Variants in HCN3 observed in about 807,000 individuals in gnomAD.
HCN3 encodes the protein potassium/sodium hyperpolarization-activated cyclic nucleotide-gated channel 3.
Under a neutral mutation model 56.8 loss-of-function variants are expected in HCN3, and 36 were observed. The observed-to-expected ratio is 0.63, with a 90% CI of 0.49 to 0.84. The LOEUF (loss-of-function observed/expected upper bound fraction) is 0.84, where lower values mean the gene tolerates loss of function less well. HCN3 is among the 40% of genes least tolerant of loss of function. The pLI, the probability that HCN3 is intolerant of heterozygous loss-of-function variation, is 0.00. For synonymous variants in HCN3, 425 were observed against 439.7 expected (o/e 0.97, Z 0.42); for missense variants, 930 against 1,079.3 (o/e 0.86, Z 1.94).
intron 1 of HCN3, among the ~76,000 whole-genome samples, chr1:155,278,992 C>T (rs1673917456): frequency 6.6e-6 from 1 of 152,148 alleles, no homozygotes. Context: ...GCTAGGCGAA[C>T]CCTCTTTCCC....
rs756003377 is a variant in HCN3, at chr1:155,282,579, C to A, written c.447C>A (p.Ile149=). The A allele has an allele frequency of 6.2e-7, 1 of 1,614,254 alleles. No homozygotes were observed. The highest frequency in any genetic ancestry group is 1.1e-5 in the South Asian group (1 of 91,086). ...LDLVLNFRTG[I]VVEEGAEILL... is the part of the protein sequence containing the mutation. ...TGGTGCTCAACTTCCGAACGGGCAT[C>A]GTGGTGGAGGAGGGTGCTGAGATCC... The change falls in exon 2 of 8, where the codon ATC becomes ATA. Residue 149 remains isoleucine (I), a synonymous_variant. Transcript: ENST00000368358. The surrounding 1 kb of genome is among the most constrained non-coding windows in gnomAD (Gnocchi z 4.7).
At position 155,285,946 on chromosome 1, in the gene HCN3, G is replaced by A. The variant is rs754322366; in HGVS notation, c.1459G>A (p.Asp487Asn). 6.9e-6 allele frequency: 11 copies of A among 1,591,308 alleles called. No homozygotes were observed. In the African/African-American group the frequency reaches 1.1e-4, roughly 16 times the overall value. The change falls in exon 6 of 8, where the codon GAT (aspartate) becomes AAT (asparagine). Residue 487 changes from aspartate (D) to asparagine (N), a missense_variant. Coordinates refer to ENST00000368358, the MANE Select transcript of HCN3 (RefSeq NM_020897.3). This position sits in a 1 kb window ranked among gnomAD's most constrained non-coding sequence, Gnocchi z 4.5. ...ARGARDTRLTDGSYFGEICLL... is the reference protein window; with the variant it reads ...ARGARDTRLTNGSYFGEICLL... ...CGGCGCCCGGGACACACGCCTCACC[G>A]ATGGATCCTACTTTGGGGGTCAGCA...
chr1:155,282,852 A>G lies in HCN3; in HGVS notation c.708+12A>G. On this transcript the variant is annotated intron_variant, in intron 2 of 7. Coordinates refer to ENST00000368358, the MANE Select transcript of HCN3 (RefSeq NM_020897.3). This position sits in a 1 kb window ranked among gnomAD's most constrained non-coding sequence, Gnocchi z 4.7. ...ACCAGTGGGAGGAGGTGGGGTGGGG[A>G]GATGGCGGGCGGGGCAGTGGGTGGG... The G allele has an allele frequency of 1.1e-6, 1 of 903,386 alleles. No individual in the cohort carries two copies. The highest frequency in any genetic ancestry group is 1.5e-6 in the Non-Finnish European group (1 of 674,668). 56.0% of individuals were successfully genotyped at this position (903,386 alleles called of 1,614,324 possible).
At position 155,282,664 on chromosome 1, in the gene HCN3, ATCTCT is replaced by A. The variant is rs1334940612; in HGVS notation, c.536_540del (p.Ser179TyrfsTer19). ...GCGCACCTGGTTCCTGGTTGACCTC[ATCTCT>A]TCTATCCCTGTGGATTACATCTTCC... On this transcript the variant is annotated frameshift_variant, in exon 2 of 8. Coordinates refer to ENST00000368358, the MANE Select transcript of HCN3 (RefSeq NM_020897.3). LOFTEE classifies it high-confidence loss of function. This position sits in a 1 kb window ranked among gnomAD's most constrained non-coding sequence, Gnocchi z 4.7. The A allele has an allele frequency of 1.2e-6, 2 of 1,614,194 alleles. No homozygotes were observed. The highest frequency in any genetic ancestry group is 1.7e-6 in the Non-Finnish European group (2 of 1,180,048).
Position 155,285,831 on chromosome 1 carries a change from C to A in HCN3, c.1344C>A (p.Val448=). The A allele has an allele frequency of 6.2e-7, 1 of 1,614,206 alleles. No homozygotes were observed. The highest frequency in any genetic ancestry group is 1.1e-5 in the South Asian group (1 of 91,088). The change falls in exon 6 of 8, where the codon GTC becomes GTA. Residue 448 remains valine (V), a synonymous_variant. Transcript: ENST00000368358. This position sits in a 1 kb window ranked among gnomAD's most constrained non-coding sequence, Gnocchi z 4.5. ...TAVLTKLRFE[V]FQPGDLVVRE... Reference sequence around the variant, plus strand: ...TTCTCACCAAGCTGCGCTTTGAGGTCTTCCAGCCGGGGGATCTCGTGGTGC... The same window carrying A: ...TTCTCACCAAGCTGCGCTTTGAGGTATTCCAGCCGGGGGATCTCGTGGTGC...
Position 155,288,489 on chromosome 1 carries a change from T to C in HCN3, c.*26T>C. 6.4e-7 allele frequency: 1 copy of C among 1,558,596 alleles called. No individual in the cohort carries two copies. The highest frequency in any genetic ancestry group is 8.7e-7 in the Non-Finnish European group (1 of 1,154,200). ...AACCTTTGAGTACATCCAGCCTTAG[T>C]TCTTGGGGTGCAGTAGTATGTACCC... is the stretch of plus-strand genomic sequence containing the variant. On this transcript the variant is annotated 3_prime_UTR_variant, in exon 8 of 8. Coordinates refer to ENST00000368358, the MANE Select transcript of HCN3 (RefSeq NM_020897.3). This position sits in a 1 kb window ranked among gnomAD's most constrained non-coding sequence, Gnocchi z 6.5.
chr1:155,285,240 G>C lies in HCN3; in HGVS notation c.1165G>C (p.Glu389Gln). 6.2e-7 allele frequency: 1 copy of C among 1,614,228 alleles called. No homozygotes were observed. The highest frequency in any genetic ancestry group is 8.5e-7 in the Non-Finnish European group (1 of 1,180,034). ...GCGGCAGCGCATCCACGAGTACTATGAGCACCGCTACCAGGGCAAGATGTT... is the reference window on the plus strand; with the variant it reads ...GCGGCAGCGCATCCACGAGTACTATCAGCACCGCTACCAGGGCAAGATGTT... ...DTRQRIHEYY[E>Q]HRYQGKMFDE... The change falls in exon 5 of 8, where the codon GAG (glutamate) becomes CAG (glutamine). Residue 389 changes from glutamate to glutamine, a missense_variant. By Grantham distance (29) the Glu-to-Gln change is conservative. Coordinates refer to ENST00000368358, the MANE Select transcript of HCN3 (RefSeq NM_020897.3). The surrounding 1 kb of genome is among the most constrained non-coding windows in gnomAD (Gnocchi z 4.5).
chr1:155,288,046 C>A lies in HCN3; in HGVS notation c.1908C>A (p.Asp636Glu). The stretch of plus-strand genomic sequence containing the variant: ...GGGGCCCTCTGCCCCTCTCCCCTGA[C>A]TCTCCAGCCACCCTCCTTGCTCGCT... ...HQRGPLPLSP[D>E]SPATLLARSA... The change falls in exon 8 of 8, where the codon GAC becomes GAA. Residue 636 changes from aspartate to glutamate, a missense_variant. Coordinates refer to ENST00000368358, the MANE Select transcript of HCN3 (RefSeq NM_020897.3). The surrounding 1 kb of genome is among the most constrained non-coding windows in gnomAD (Gnocchi z 6.5). 6.2e-7 allele frequency: 1 copy of A among 1,613,872 alleles called. No homozygotes were observed. Among genetic ancestry groups the A allele is most frequent in the Non-Finnish European group, 8.5e-7 (1 of 1,179,964 alleles).
Position 155,282,537 on chromosome 1 carries a change from T to C in HCN3, c.405T>C (p.Thr135=). 1 of 1,614,250 alleles carries C rather than the reference T, an allele frequency of 6.2e-7. No homozygotes were observed. The highest frequency in any genetic ancestry group is 8.5e-7 in the Non-Finnish European group (1 of 1,180,044). The change falls in exon 2 of 8, where the codon ACT becomes ACC. Residue 135 remains threonine, a synonymous_variant. Coordinates refer to ENST00000368358, the MANE Select transcript of HCN3 (RefSeq NM_020897.3). The surrounding 1 kb of genome is among the most constrained non-coding windows in gnomAD (Gnocchi z 4.7). ...TCGTCTTCAACGTATTGTCTGATACTTTCTTCCTACTGGATCTGGTGCTCA... is the reference window on the plus strand; with the variant it reads ...TCGTCTTCAACGTATTGTCTGATACCTTCTTCCTACTGGATCTGGTGCTCA... ...PWIVFNVLSD[T]FFLLDLVLNF...
chr1:155,279,555 C>A (rs1318265300), intron 1 of HCN3, among the ~76,000 whole-genome samples: 1 of 152,174 alleles, frequency 6.6e-6, no homozygotes, highest in East Asian at 1.9e-4. Context: ...GACCACCCCA[C>A]CCTGAGACAT....
Position 155,285,089 on chromosome 1 carries a change from G to C in HCN3, c.1090-76G>C, listed in dbSNP as rs1358099716. On this transcript the variant is annotated intron_variant, in intron 4 of 7. Coordinates refer to ENST00000368358, the MANE Select transcript of HCN3 (RefSeq NM_020897.3). This position sits in a 1 kb window ranked among gnomAD's most constrained non-coding sequence, Gnocchi z 4.5. ...GTTTGACCTGTGTCTCTGACCTTCC[G>C]CACACACACCCCACTGTGCCGGCCC... 6.5e-7 allele frequency: 1 copy of C among 1,541,268 alleles called. No homozygotes were observed. Among genetic ancestry groups the C allele is most frequent in the African/African-American group, 1.4e-5 (1 of 73,090 alleles).
At position 155,287,973 on chromosome 1, in the gene HCN3, A is replaced by G. The variant is rs1402997235; in HGVS notation, c.1835A>G (p.Gln612Arg). Residue 612 changes from glutamine (Q) to arginine (R), a missense_variant, in exon 8 of 8, where the codon CAG (glutamine) becomes CGG (arginine). Transcript: ENST00000368358. ...GAGCCACTGGTACATGCGCCCCTTC[A>G]GGCAGCTGCTGTGACCTCCAATGTG... is the stretch of plus-strand genomic sequence containing the variant. Reference protein sequence around the residue: ...LWEPLVHAPLQAAAVTSNVAI... With the variant: ...LWEPLVHAPLRAAAVTSNVAI... 1 of 1,614,068 alleles carries G rather than the reference A, an allele frequency of 6.2e-7. No homozygotes were observed. The highest frequency in any genetic ancestry group is 8.5e-7 in the Non-Finnish European group (1 of 1,179,990).
rs2148179235 is a variant in HCN3 at position 155,284,403 on chromosome 1, C to A, written c.871-136C>A. 2 of 1,070,626 alleles carry A rather than the reference C, an allele frequency of 1.9e-6. No homozygotes were observed. The highest frequency in any genetic ancestry group is 2.6e-6 in the Non-Finnish European group (2 of 762,660). The allele number at this position is 1,070,626 out of a possible 1,614,324, so 66.3% of individuals were successfully genotyped here. ...CTTTTGCCTCAGGGCCCCCCAGAAC[C>A]AAACTTAAGTGCCTGCCAGGAGGAA... On this transcript the variant is annotated intron_variant, in intron 3 of 7. Transcript: ENST00000368358. This position sits in a 1 kb window ranked among gnomAD's most constrained non-coding sequence, Gnocchi z 4.3.
intron 6 of HCN3, among the ~76,000 whole-genome samples, chr1:155,286,919 A>G (rs1485227906): frequency 6.6e-6 from 1 of 152,062 alleles, no homozygotes; most frequent in African/African-American, 2.4e-5. Context: ...GGCCAGCAAG[A>G]CCTGCCTGGT....
At chr1:155,287,521 A>G (rs911039350) in intron 7 of HCN3, among the ~76,000 whole-genome samples, 184 bp downstream of exon 7, 1 of 151,970 alleles carries the variant, frequency 6.6e-6, no homozygotes, top group Non-Finnish European at 1.5e-5. Flanking sequence ...TGTCCTTCCC[A>G]GGAGAGATAG....
In HCN3 at chr1:155,285,445, T is replaced by C; in HGVS notation, c.1236+134T>C. ...AGGGCCCCGTGGGAGGCCAGGTATT[T>C]GGGCTTTCAGGGGCTAGGGTCTTTC... On this transcript the variant is annotated intron_variant, in intron 5 of 7. Transcript: ENST00000368358. The surrounding 1 kb of genome is among the most constrained non-coding windows in gnomAD (Gnocchi z 4.5). 1.6e-6 allele frequency: 2 copies of C among 1,244,156 alleles called. No individual in the cohort carries two copies. Among genetic ancestry groups the C allele is most frequent in the South Asian group, 3.1e-5 (2 of 65,242 alleles). The allele number at this position is 1,244,156 out of a possible 1,614,324, so 77.1% of individuals were successfully genotyped here. A position where few individuals can be genotyped will look rare whatever the true frequency, so the allele number is the denominator to read the frequency against.
rs1026071464 is a variant in HCN3, at chr1:155,289,643, C to T, written c.*1180C>T. Reference sequence around the variant, plus strand: ...CTGGGGAAGGGCAGGCCAGCCAGCACCTCTGCCTTCTCAGGGACAAGAGTA... The same window carrying T: ...CTGGGGAAGGGCAGGCCAGCCAGCATCTCTGCCTTCTCAGGGACAAGAGTA... On this transcript the variant is annotated 3_prime_UTR_variant, in exon 8 of 8. Coordinates refer to ENST00000368358, the MANE Select transcript of HCN3 (RefSeq NM_020897.3). The T allele has an allele frequency of 3.3e-5, 5 of 152,458 alleles. No homozygotes were observed. Among genetic ancestry groups the T allele is most frequent in the African/African-American group, 1.2e-4 (5 of 41,428 alleles). The allele number at this position is 152,458 out of a possible 1,614,324, so 9.4% of individuals were successfully genotyped here.
chr1:155,286,434 C>T (rs1674290651), intron 6 of HCN3, among the ~76,000 whole-genome samples: 1 of 152,178 alleles, frequency 6.6e-6, no homozygotes, highest in African/African-American at 2.4e-5. Flanking sequence ...CGTGAATCAC[C>T]GTGCCAGGCC....
At position 155,288,138 on chromosome 1, in the gene HCN3, C is replaced by T. The variant is rs1674374611; in HGVS notation, c.2000C>T (p.Ser667Phe). ...CCCGTCCGAGCTGGCCCATGGGCATCCACCTCCCGCCTGCCCGCCCCACCT... is the reference window on the plus strand; with the variant it reads ...CCCGTCCGAGCTGGCCCATGGGCATTCACCTCCCGCCTGCCCGCCCCACCT... ...LVPVRAGPWA[S>F]TSRLPAPPAR... is the part of the protein sequence containing the mutation. Residue 667 changes from serine (S) to phenylalanine (F), a missense_variant, in exon 8 of 8, where the codon TCC becomes TTC. Transcript: ENST00000368358. This position sits in a 1 kb window ranked among gnomAD's most constrained non-coding sequence, Gnocchi z 6.5. 1 of 1,589,738 alleles carries T rather than the reference C, an allele frequency of 6.3e-7. No individual in the cohort carries two copies. Among genetic ancestry groups the T allele is most frequent in the South Asian group, 1.1e-5 (1 of 89,192 alleles).
Sources: allele counts gnomAD v4.1 joint callset (sites outside exome capture counted in the v4.1 genomes callset), GRCh38; gene constraint gnomAD v4.1.1; non-coding constraint Gnocchi (gnomAD v3.1); transcripts MANE v1.5; gene names NCBI Gene and HGNC (gene_info 2026-07-23, HGNC 2026-07-21).